The following CLMP variants were observed in gnomAD, a reference collection of about 807,000 sequenced individuals.
CLMP encodes CXADR-like membrane protein.
In CLMP, 27 loss-of-function variants were observed where a neutral mutation model predicts 45.2. The observed-to-expected ratio is 0.60, with a 90% confidence interval of 0.44 to 0.82. The LOEUF (loss-of-function observed/expected upper bound fraction) is 0.82. CLMP is among the 40% of genes least tolerant of loss of function. The pLI, the probability that CLMP is intolerant of heterozygous loss-of-function variation, is 0.00. For missense variants in CLMP, 403 were observed against 448.4 expected (o/e 0.90, Z 0.91); for synonymous variants, 167 against 171.4 (o/e 0.97, Z 0.20).
chr11:123,093,234 C>T (rs904282182), intron 2 of CLMP, among the ~76,000 whole-genome samples: 1 of 152,076 alleles, frequency 6.6e-6, no homozygotes, highest in African/African-American at 2.4e-5. Flanking sequence ...AGAGACAGGT[C>T]TCACTGTGTT....
intron 1 of CLMP, among the ~76,000 whole-genome samples, chr11:123,150,524 G>C (rs142368135): frequency 2.8e-4 from 35 of 126,868 alleles, no homozygotes; most frequent in Non-Finnish European, 4.1e-4. Context: ...AGGAAGGAAG[G>C]AAGGAAAGAA....
intron 5 of CLMP, among the ~76,000 whole-genome samples, chr11:123,080,874 G>A (rs988132987): frequency 3.3e-5 from 5 of 152,158 alleles, no homozygotes; most frequent in African/African-American, 1.2e-4. Context: ...GCTGGGTGTG[G>A]TGGCTCACAC....
intron 1 of CLMP, among the ~76,000 whole-genome samples, chr11:123,178,847 G>A (rs189034409): frequency 5.9e-5 from 9 of 152,332 alleles, no homozygotes; most frequent in Admixed American, 1.3e-4. Flanking sequence ...CTCAGTTTAC[G>A]TATTGGTAGA....
chr11:123,125,934 G>A (rs914375797), intron 1 of CLMP, among the ~76,000 whole-genome samples: 11 of 151,834 alleles, frequency 7.2e-5, no homozygotes, highest in Non-Finnish European at 1.5e-4. Context: ...CTCTCTCTTC[G>A]CACAGCAGGA....
chr11:123,083,084 C>T lies in CLMP; in HGVS notation c.679+1G>A. 6.2e-7 allele frequency: 1 copy of T among 1,614,148 alleles called. No individual in the cohort carries two copies. Among genetic ancestry groups the T allele is most frequent in the South Asian group, 1.1e-5 (1 of 91,084 alleles). On this transcript the variant is annotated splice_donor_variant, in intron 5 of 6. Transcript: ENST00000448775. LOFTEE classifies it high-confidence loss of function. ...AAACTAAAACCTCTTTGGATGCTTA[C>T]ACTGTACAGTTACTCGCACCACACA...
chr11:123,173,280 G>A (rs1477335276), intron 1 of CLMP, among the ~76,000 whole-genome samples: 1 of 152,206 alleles, frequency 6.6e-6, no homozygotes, highest in Non-Finnish European at 1.5e-5. Flanking sequence ...TTTTATGGCT[G>A]GAGCCAGCAC....
At chr11:123,177,755 TG>T (rs1409445715) in intron 1 of CLMP, among the ~76,000 whole-genome samples, 2 of 152,240 alleles carry the variant, frequency 1.3e-5, no homozygotes, top group Non-Finnish European at 2.9e-5. Context: ...TGATGTTTCA[TG>T]GGCATATATG....
At chr11:123,167,565 A>C (rs113190761) in intron 1 of CLMP, among the ~76,000 whole-genome samples, 1 of 151,914 alleles carries the variant, frequency 6.6e-6, no homozygotes, top group Admixed American at 6.5e-5. Flanking sequence ...GATTACAGGC[A>C]TGAGCCACCA....
In CLMP at chr11:123,150,508, GAAGGAAGGAAGGAAGGAAGGAAAGAAA is replaced by G. The variant is rs1253404547; in HGVS notation, c.28+44378_28+44404del. On this transcript the variant is annotated intron_variant, in intron 1 of 6. Transcript: ENST00000448775. ...GGAAGGAAGGAAGGAAGGAAGGAAG[GAAGGAAGGAAGGAAGGAAGGAAAGAAA>G]CAAGCAAGGAAGGAAGGAAGGAAGG... Among the ~76,000 whole-genome samples, 11 of 123,274 alleles carry G rather than the reference GAAGGAAGGAAGGAAGGAAGGAAAGAAA, an allele frequency of 8.9e-5. No individual in the cohort carries two copies. The East Asian group carries it at 1.1e-3, about 12-fold the overall frequency. The allele number at this position is 123,274 out of a possible 152,430, so 80.9% of individuals were successfully genotyped here.
Position 123,081,331 on chromosome 11 carries a change from G to T in CLMP, c.679+1754C>A, listed in dbSNP as rs543137070. 7.2e-5 allele frequency among the ~76,000 whole-genome samples: 11 copies of T among 152,152 alleles called. No individual in the cohort carries two copies. The South Asian group carries it at 2.1e-3, about 29-fold the overall frequency. ...CTGCTTCCTTTTGTCTTTCAACTTG[G>T]TTTATCCTGTCTTTTTTCAAGACTC... On this transcript the variant is annotated intron_variant, in intron 5 of 6. Transcript: ENST00000448775.
rs183260703 is a variant in CLMP, at chr11:123,157,843, C to T, written c.28+37070G>A. On this transcript the variant is annotated intron_variant, in intron 1 of 6. Transcript: ENST00000448775. ...GACGCTGGTCTTTGGATGTTAAGTG[C>T]AAGTGGTTCCATTGCCCTTCAGCAC... Among the ~76,000 whole-genome samples, 31 of 151,632 alleles carry T rather than the reference C, an allele frequency of 2.0e-4. No homozygotes were observed. In the East Asian group the frequency reaches 5.2e-3, roughly 26 times the overall value.
chr11:123,142,852 T>G (rs1861183741), intron 1 of CLMP, among the ~76,000 whole-genome samples: 1 of 150,202 alleles, frequency 6.7e-6, no homozygotes, highest in African/African-American at 2.5e-5. Context: ...GGTCTCGATC[T>G]CCTGACCTCA....
At chr11:123,185,672 G>A (rs1325006281) in intron 1 of CLMP, among the ~76,000 whole-genome samples, 2 of 152,126 alleles carry the variant, frequency 1.3e-5, no homozygotes, top group Non-Finnish European at 2.9e-5. Flanking sequence ...CCAGGCCTCC[G>A]CTGAAAACCC....
At chr11:123,183,840 C>T (rs1054137508) in intron 1 of CLMP, among the ~76,000 whole-genome samples, 12 of 152,148 alleles carry the variant, frequency 7.9e-5, no homozygotes, top group Non-Finnish European at 7.4e-5. Context: ...CTGCTGAGTG[C>T]GGTGGGGTGT....
intron 1 of CLMP, among the ~76,000 whole-genome samples, chr11:123,103,044 T>C (rs185853810): frequency 6.6e-6 from 1 of 152,126 alleles, no homozygotes; most frequent in African/African-American, 2.4e-5. Flanking sequence ...TTTTTACCAA[T>C]GAGCAAACTA....
At chr11:123,145,452 G>GTTTTTTTTTTTTTTTTT (rs66487810) in intron 1 of CLMP, among the ~76,000 whole-genome samples, 1 of 61,808 alleles carries the variant, frequency 1.6e-5, no homozygotes, top group Non-Finnish European at 3.0e-5. Context: ...CTCTGCGGCT[G>GTTTTTTTTTTTTTTTTT]TTTTTTTTTT....
chr11:123,087,735 C>T (rs1334783359), intron 2 of CLMP, among the ~76,000 whole-genome samples: 3 of 151,040 alleles, frequency 2.0e-5, no homozygotes. Context: ...GCAGAAGAAT[C>T]GCTGGAACCC....
intron 2 of CLMP, among the ~76,000 whole-genome samples, chr11:123,088,556 G>C (rs1290371580): frequency 6.6e-6 from 1 of 152,128 alleles, no homozygotes; most frequent in Non-Finnish European, 1.5e-5. Flanking sequence ...AGGAACTTTG[G>C]GGTTTTGTGG....
intron 1 of CLMP, among the ~76,000 whole-genome samples, chr11:123,118,092 A>C (rs1344127476): frequency 1.3e-5 from 2 of 152,200 alleles, no homozygotes; most frequent in Non-Finnish European, 2.9e-5. Context: ...AAGTGGCTTT[A>C]AAACAACCAG....
Sources: gnomAD v4.1 joint callset for allele counts (sites outside exome capture counted in the v4.1 genomes callset) on GRCh38, gnomAD v4.1.1 for gene constraint, MANE v1.5 for transcripts, NCBI Gene and HGNC (gene_info 2026-07-23, HGNC 2026-07-21) for gene names.